The following PITPNM3 variants were observed in gnomAD, a reference collection of about 807,000 sequenced individuals.
The protein encoded by PITPNM3 is PITPNM family member 3, also known as membrane-associated phosphatidylinositol transfer protein 3.
Under a neutral mutation model 102.0 loss-of-function variants are expected in PITPNM3, and 26 were observed. That is an observed-to-expected ratio of 0.25 (90% CI 0.19 to 0.35). The LOEUF (loss-of-function observed/expected upper bound fraction) is 0.35, where lower values mean the gene tolerates loss of function less well. Among genes scored for constraint, PITPNM3 ranks in the 10% least tolerant of loss-of-function variants. The pLI is 1.00. For missense variants in PITPNM3, 1,083 were observed against 1,346.1 expected (o/e 0.80, Z 3.06); for synonymous variants, 578 against 558.6 (o/e 1.03, Z -0.49).
intron 3 of PITPNM3, among the ~76,000 whole-genome samples, chr17:6,508,255 C>G (rs532381576): frequency 6.6e-6 from 1 of 152,214 alleles, no homozygotes; most frequent in African/African-American, 2.4e-5. Flanking sequence ...GCCCTGAGTG[C>G]GGCCTCAGCT....
chr17:6,515,902 C>G (rs1484818336), intron 3 of PITPNM3, among the ~76,000 whole-genome samples: 1 of 152,180 alleles, frequency 6.6e-6, no homozygotes, highest in Non-Finnish European at 1.5e-5. Context: ...AACCCCAGGC[C>G]TGGCACAGTG....
intron 11 of PITPNM3, among the ~76,000 whole-genome samples, chr17:6,471,961 T>C (rs761999059): frequency 6.6e-6 from 1 of 152,182 alleles, no homozygotes; most frequent in Non-Finnish European, 1.5e-5. Context: ...TTTTTAATCC[T>C]GAATCGGCCC....
chr17:6,554,923 C>G (rs1276321282), intron 1 of PITPNM3, among the ~76,000 whole-genome samples: 4 of 152,208 alleles, frequency 2.6e-5, no homozygotes, highest in Non-Finnish European at 5.9e-5. Context: ...ACTGCCGTTG[C>G]GATGACAGTG....
At chr17:6,493,948 C>A (rs1165421104) in intron 4 of PITPNM3, among the ~76,000 whole-genome samples, 1 of 152,196 alleles carries the variant, frequency 6.6e-6, no homozygotes, top group Non-Finnish European at 1.5e-5. Flanking sequence ...AGGTATACAA[C>A]CATGAGAAAA....
At chr17:6,516,542 C>A in intron 3 of PITPNM3, among the ~76,000 whole-genome samples, 1 of 131,242 alleles carries the variant, frequency 7.6e-6, no homozygotes. Flanking sequence ...CCAGCGTGGG[C>A]GACAGAGACA....
rs553844137 is a variant in PITPNM3, at chr17:6,451,631, C to T, written c.*3707G>A. On this transcript the variant is annotated 3_prime_UTR_variant, in exon 20 of 20. Transcript: ENST00000262483. ...AGTCGCCCTCCTCTGGCCTGCCCCC[C>T]CTCGGGTCACCTGTTTCTCCTTTGC... is the stretch of plus-strand genomic sequence containing the variant. 7 of 152,398 alleles carry T rather than the reference C, an allele frequency of 4.6e-5. No homozygotes were observed. Among genetic ancestry groups the T allele is most frequent in the South Asian group, 4.1e-4 (2 of 4,822 alleles). The allele number at this position is 152,398 out of a possible 1,614,324, so 9.4% of individuals were successfully genotyped here.
At chr17:6,549,835 C>A (rs1567698695) in intron 1 of PITPNM3, among the ~76,000 whole-genome samples, 1 of 152,226 alleles carries the variant, frequency 6.6e-6, no homozygotes, top group African/African-American at 2.4e-5. Flanking sequence ...ACCCTGGCCA[C>A]CCCCTTCCGG....
intron 3 of PITPNM3, among the ~76,000 whole-genome samples, chr17:6,516,396 T>A (rs1185341514): frequency 6.6e-6 from 1 of 151,522 alleles, no homozygotes; most frequent in Non-Finnish European, 1.5e-5. Context: ...ACCCCGTCTC[T>A]ACTAAAAATA....
In PITPNM3 at chr17:6,457,684, C is replaced by T. The variant is rs1165500167; in HGVS notation, c.2529G>A (p.Lys843=). The stretch of plus-strand genomic sequence containing the variant: ...CCAGCACGCTGTAGACAGAGATGTC[C>T]TTCGTGGAGCCATAGGCCGCACTGA... The part of the protein sequence containing the change: ...IKISAAYGST[K]DISVYSVLGL... Residue 843 remains lysine, a synonymous_variant, in exon 19 of 20, where the codon AAG becomes AAA. Transcript: ENST00000262483. The surrounding 1 kb of genome is among the most constrained non-coding windows in gnomAD (Gnocchi z 4.7). The T allele has an allele frequency of 2.5e-6, 4 of 1,604,176 alleles. No individual in the cohort carries two copies. The East Asian group carries it at 6.7e-5, about 27-fold the overall frequency.
chr17:6,520,924 C>T (rs1163926825), intron 3 of PITPNM3, among the ~76,000 whole-genome samples: 1 of 152,070 alleles, frequency 6.6e-6, no homozygotes, highest in Non-Finnish European at 1.5e-5. Context: ...ATGTAGGGTA[C>T]CTAGAGAAGT....
chr17:6,469,061 AG>A lies in PITPNM3; in HGVS notation c.1774-721del, dbSNP rs1904927338. ...TACACTCTCTGGGTCCTCCAACCTC[AG>A]GGATGTCCTCTTCTCTCCTTCAGTG... is the stretch of plus-strand genomic sequence containing the variant. On this transcript the variant is annotated intron_variant, in intron 13 of 19. Coordinates refer to ENST00000262483, the MANE Select transcript of PITPNM3 (RefSeq NM_031220.4). This position sits in a 1 kb window ranked among gnomAD's most constrained non-coding sequence, Gnocchi z 4.0. 6.6e-6 allele frequency among the ~76,000 whole-genome samples: 1 copy of A among 152,050 alleles called. No homozygotes were observed. Among genetic ancestry groups the A allele is most frequent in the Admixed American group, 6.6e-5 (1 of 15,264 alleles).
intron 6 of PITPNM3, chr17:6,480,243 A>C (rs1412091165): frequency 6.6e-6 from 1 of 152,182 alleles, no homozygotes; most frequent in African/African-American, 2.4e-5. Flanking sequence ...CCTTCCTTCC[A>C]ACTCTGATTG....
intron 4 of PITPNM3, among the ~76,000 whole-genome samples, chr17:6,490,324 C>G (rs1056839794): frequency 1.3e-5 from 2 of 152,102 alleles, no homozygotes; most frequent in African/African-American, 4.8e-5. Context: ...TGACCTCAGA[C>G]ACGCTCTGCA....
chr17:6,472,883 C>T lies in PITPNM3; in HGVS notation c.1259-56G>A. ...ACTTTCTAGTACCTGCTCCCTGGGC[C>T]CTAGGAGGCTCCCTGGAATGCAGCC... On this transcript the variant is annotated intron_variant, in intron 10 of 19. Coordinates refer to ENST00000262483, the MANE Select transcript of PITPNM3 (RefSeq NM_031220.4). This position sits in a 1 kb window ranked among gnomAD's most constrained non-coding sequence, Gnocchi z 4.1. The T allele has an allele frequency of 6.3e-7, 1 of 1,594,616 alleles. No individual in the cohort carries two copies. Among genetic ancestry groups the T allele is most frequent in the Non-Finnish European group, 8.6e-7 (1 of 1,167,492 alleles).
chr17:6,544,019 A>ACT (rs1322060344), intron 1 of PITPNM3, among the ~76,000 whole-genome samples: 4 of 152,078 alleles, frequency 2.6e-5, no homozygotes, highest in Admixed American at 1.3e-4. Context: ...GGCAGCTGTG[A>ACT]CTCCAGGGAC....
In PITPNM3 at chr17:6,464,334, G is replaced by T; in HGVS notation, c.2008-16C>A. The T allele has an allele frequency of 6.2e-7, 1 of 1,612,526 alleles. No individual in the cohort carries two copies. Among genetic ancestry groups the T allele is most frequent in the Non-Finnish European group, 8.5e-7 (1 of 1,179,984 alleles). ...GGATGTCCACCTGCGGCAGTGAAGG[G>T]GGTCAGGGACTCCCTGAAGGCTGAG... On this transcript the variant is annotated splice_polypyrimidine_tract_variant and intron_variant, in intron 15 of 19. Coordinates refer to ENST00000262483, the MANE Select transcript of PITPNM3 (RefSeq NM_031220.4).
chr17:6,475,329 C>A (rs1435441389), intron 9 of PITPNM3, among the ~76,000 whole-genome samples: 1 of 152,238 alleles, frequency 6.6e-6, no homozygotes, highest in Non-Finnish European at 1.5e-5. Context: ...CGTTCAGCCA[C>A]AGACCCAGAG....
Position 6,468,319 on chromosome 17 carries a change from T to G in PITPNM3, c.1796A>C (p.Asn599Thr). 6.2e-7 allele frequency: 1 copy of G among 1,614,102 alleles called. No individual in the cohort carries two copies. Among genetic ancestry groups the G allele is most frequent in the Non-Finnish European group, 8.5e-7 (1 of 1,180,002 alleles). The change falls in exon 14 of 20, where the codon AAC (asparagine) becomes ACC (threonine). Residue 599 changes from asparagine to threonine, a missense_variant. Transcript: ENST00000262483. The surrounding 1 kb of genome is among the most constrained non-coding windows in gnomAD (Gnocchi z 5.2). The stretch of plus-strand genomic sequence containing the variant: ...GTCCAGGCGGGCGCTTTCCTTGATG[T>G]TCACGCTCTCATAGCGCATTACCTA... ...LRQVMRYESVNIKESARLDPA... is the reference protein window; with the variant it reads ...LRQVMRYESVTIKESARLDPA...
chr17:6,455,327 C>A lies in PITPNM3; in HGVS notation c.*11G>T. 1.3e-6 allele frequency: 2 copies of A among 1,565,514 alleles called. No individual in the cohort carries two copies. Among genetic ancestry groups the A allele is most frequent in the Non-Finnish European group, 1.7e-6 (2 of 1,157,964 alleles). On this transcript the variant is annotated 3_prime_UTR_variant, in exon 20 of 20. Coordinates refer to ENST00000262483, the MANE Select transcript of PITPNM3 (RefSeq NM_031220.4). ...GGCCCCCCGCTCCCTGCTCTGAGCA[C>A]AGCCCACCCCTCAGGGCACCGACTC...
Sources: allele counts gnomAD v4.1 joint callset (sites outside exome capture counted in the v4.1 genomes callset), GRCh38; gene constraint gnomAD v4.1.1; non-coding constraint Gnocchi (gnomAD v3.1); transcripts MANE v1.5; gene names NCBI Gene and HGNC (gene_info 2026-07-23, HGNC 2026-07-21).